The following GRB10 variants were observed in gnomAD, a reference collection of about 807,000 sequenced individuals.
GRB10 encodes the protein growth factor receptor-bound protein 10.
In GRB10, 20 loss-of-function variants were observed where a neutral mutation model predicts 80.9. That is an observed-to-expected ratio of 0.25 (90% CI 0.17 to 0.36). The LOEUF is 0.36. Among genes scored for constraint, GRB10 ranks in the 10% least tolerant of loss-of-function variants. GRB10 has a pLI of 1.00. For missense variants in GRB10, 548 were observed against 747.7 expected, an observed-to-expected ratio of 0.73 and a Z score of 3.12; for synonymous variants, 291 against 291.5, an observed-to-expected ratio of 1.00 and a Z score of 0.02.
At chr7:50,690,331 G>GA (rs1200684077) in intron 5 of GRB10, among the ~76,000 whole-genome samples, 5 of 145,740 alleles carry the variant, frequency 3.4e-5, no homozygotes, top group East Asian at 2.0e-4. Context: ...AAAAAAAACA[G>GA]AAAAAAAAGA....
At chr7:50,707,623 GAATA>G (rs1338579747) in intron 4 of GRB10, among the ~76,000 whole-genome samples, 1 of 152,170 alleles carries the variant, frequency 6.6e-6, no homozygotes, top group Non-Finnish European at 1.5e-5. Context: ...CTATGTATGT[GAATA>G]ATTACTACAT....
At chr7:50,648,870 T>C (rs930520429) in intron 7 of GRB10, among the ~76,000 whole-genome samples, 1 of 152,200 alleles carries the variant, frequency 6.6e-6, no homozygotes, top group Non-Finnish European at 1.5e-5. Context: ...GTAAATATTC[T>C]GGGTGGGACT....
chr7:50,650,796 G>A (rs1307262217), intron 7 of GRB10, among the ~76,000 whole-genome samples: 1 of 152,174 alleles, frequency 6.6e-6, no homozygotes, highest in Admixed American at 6.5e-5. Flanking sequence ...GGAGTAACAA[G>A]TTGTCTTTTT....
At chr7:50,606,710 T>A in intron 13 of GRB10, 1 of 428,416 alleles carries the variant, frequency 2.3e-6, no homozygotes. Flanking sequence ...AACATATATT[T>A]CGTATATGTA....
intron 4 of GRB10, among the ~76,000 whole-genome samples, chr7:50,715,905 T>C (rs2066783633): frequency 6.6e-6 from 1 of 152,190 alleles, no homozygotes; most frequent in African/African-American, 2.4e-5. Flanking sequence ...GACGCAGCCC[T>C]ACTAGTGCCC....
intron 2 of GRB10, among the ~76,000 whole-genome samples, chr7:50,771,409 A>T (rs1018177014): frequency 6.6e-6 from 1 of 152,224 alleles, no homozygotes; most frequent in African/African-American, 2.4e-5. Context: ...GCATAGCTCC[A>T]GGTCATTTAG....
At chr7:50,746,351 T>C (rs1363047000) in intron 3 of GRB10, among the ~76,000 whole-genome samples, 1 of 152,228 alleles carries the variant, frequency 6.6e-6, no homozygotes, top group East Asian at 1.9e-4. Context: ...TCAGGCACCA[T>C]GTACCGTGTT....
chr7:50,765,823 GAGA>G (rs1432957599), intron 2 of GRB10, among the ~76,000 whole-genome samples: 1 of 152,290 alleles, frequency 6.6e-6, no homozygotes, highest in East Asian at 1.9e-4. Context: ...ATAGCAAGAA[GAGA>G]AGAATTTGAA....
chr7:50,700,000 G>A (rs981255128), intron 5 of GRB10, among the ~76,000 whole-genome samples: 1 of 152,140 alleles, frequency 6.6e-6, no homozygotes, highest in Admixed American at 6.5e-5. Flanking sequence ...TTAGCCGGGC[G>A]TGGTGGCGGG....
chr7:50,698,623 A>T (rs1299708640), intron 5 of GRB10, among the ~76,000 whole-genome samples: 2 of 152,048 alleles, frequency 1.3e-5, no homozygotes, highest in East Asian at 3.9e-4. Flanking sequence ...GGGTCTCCTT[A>T]TGGGATATCT....
chr7:50,692,955 T>A (rs2062996507), intron 5 of GRB10, among the ~76,000 whole-genome samples: 2 of 152,174 alleles, frequency 1.3e-5, no homozygotes, highest in East Asian at 3.9e-4. Context: ...GCCTCAGTTT[T>A]CCCATCTGTA....
At chr7:50,793,209 C>T (rs1588154149) in intron 1 of GRB10, 2 of 146,404 alleles carry the variant, frequency 1.4e-5, no homozygotes, top group African/African-American at 4.9e-5. Context: ...CCGCGCTCCC[C>T]GCCCAACTCC....
intron 2 of GRB10, among the ~76,000 whole-genome samples, chr7:50,762,185 C>T (rs569784018): frequency 5.3e-4 from 80 of 151,874 alleles, no homozygotes; most frequent in Admixed American, 1.1e-3. Context: ...AGTAAGATTG[C>T]GATCCCAGAG....
At chr7:50,669,941 C>T in intron 6 of GRB10, 78 bp from the exon 7 acceptor site, 1 of 1,515,570 alleles carries the variant, frequency 6.6e-7, no homozygotes, top group Non-Finnish European at 8.9e-7. Context: ...GTGATACACC[C>T]AGAAAGCAGG....
At chr7:50,646,084 T>C (rs147613978) in intron 7 of GRB10, among the ~76,000 whole-genome samples, 59 of 152,338 alleles carry the variant, frequency 3.9e-4, no homozygotes, top group African/African-American at 1.3e-3. Flanking sequence ...ACCCCATTCA[T>C]GACCAAGGAC....
intron 3 of GRB10, among the ~76,000 whole-genome samples, chr7:50,750,563 T>TCTAG (rs2073953000): frequency 6.6e-6 from 1 of 152,126 alleles, no homozygotes; most frequent in South Asian, 2.1e-4. Context: ...GGGCAAGACA[T>TCTAG]CTAGAAGTGC....
chr7:50,677,414 GA>G (rs1336103922), intron 5 of GRB10, among the ~76,000 whole-genome samples: 1 of 152,182 alleles, frequency 6.6e-6, no homozygotes, highest in East Asian at 1.9e-4. Context: ...CCGAGGCCCA[GA>G]AGGCTTGTGG....
intron 18 of GRB10, among the ~76,000 whole-genome samples, chr7:50,594,608 TATC>T (rs1167580541): frequency 6.6e-6 from 1 of 152,202 alleles, no homozygotes; most frequent in East Asian, 1.9e-4. Flanking sequence ...TCACAAACAT[TATC>T]ATTACCTGCA....
chr7:50,676,635 G>C (rs142023076), intron 5 of GRB10, among the ~76,000 whole-genome samples: 18 of 152,244 alleles, frequency 1.2e-4, no homozygotes, highest in Middle Eastern at 3.4e-3. Context: ...CCTCTGGTTA[G>C]GAAGGCCTTT....
Sources: gnomAD v4.1 joint callset for allele counts (sites outside exome capture counted in the v4.1 genomes callset) on GRCh38, gnomAD v4.1.1 for gene constraint, MANE v1.5 for transcripts, NCBI Gene and HGNC (gene_info 2026-07-23, HGNC 2026-07-21) for gene names.